The following DGKH variants were observed in gnomAD, a reference collection of about 807,000 sequenced individuals.
The protein encoded by DGKH is diacylglycerol kinase eta.
A neutral mutation model predicts 159.3 loss-of-function variants in DGKH; 90 were observed. The observed-to-expected ratio is 0.57, with a 90% CI of 0.48 to 0.67. DGKH has a LOEUF of 0.67. Ranked by LOEUF, DGKH falls within the 30% of genes least tolerant of loss-of-function variation. The probability of loss-of-function intolerance (pLI) is 0.00; values close to 1 mark genes in which losing one functional copy is unlikely to be tolerated. For synonymous variants in DGKH, 536 were observed against 553.8 expected (o/e 0.97, Z 0.45); for missense variants, 1,181 against 1,506.1 (o/e 0.78, Z 3.57).
At chr13:42,193,795 T>C (rs893085126) in intron 16 of DGKH, among the ~76,000 whole-genome samples, 1 of 152,206 alleles carries the variant, frequency 6.6e-6, no homozygotes, top group African/African-American at 2.4e-5. Flanking sequence ...AAAATTAATA[T>C]AGTTAGCTTG....
chr13:42,255,727 T>C (rs1253977768), intron 30 of DGKH: 1 of 386,092 alleles, frequency 2.6e-6, no homozygotes, highest in African/African-American at 2.1e-5. Flanking sequence ...TCCTAATAAA[T>C]AAATGACATG....
intron 5 of DGKH, among the ~76,000 whole-genome samples, chr13:42,158,436 A>T (rs1383807510): frequency 6.6e-6 from 1 of 152,202 alleles, no homozygotes; most frequent in Admixed American, 6.5e-5. Context: ...AGAGATAAAC[A>T]TGTTTAATAA....
rs1423386647 is a variant in DGKH at position 42,229,343 on chromosome 13, T to G, written c.*155T>G. 1.6e-6 allele frequency: 1 copy of G among 631,302 alleles called. No individual in the cohort carries two copies. Among genetic ancestry groups the G allele is most frequent in the Non-Finnish European group, 2.6e-6 (1 of 378,354 alleles). The allele number at this position is 631,302 out of a possible 1,614,324, so 39.1% of individuals were successfully genotyped here. On this transcript the variant is annotated 3_prime_UTR_variant, in exon 30 of 30. Transcript: ENST00000337343. ...ATTTTGCTGTGGGTGAAATTTTGAT[T>G]TGAGGTATTAGAAAATATTTTTGTG...
chr13:42,085,927 GTT>G (rs36114366), intron 1 of DGKH, among the ~76,000 whole-genome samples: 1 of 147,560 alleles, frequency 6.8e-6, no homozygotes, highest in Non-Finnish European at 1.5e-5. Flanking sequence ...ATTAAACTAA[GTT>G]TTTTTTTTTG....
chr13:42,091,373 G>T (rs373201593), intron 1 of DGKH, among the ~76,000 whole-genome samples: 1 of 152,070 alleles, frequency 6.6e-6, no homozygotes, highest in African/African-American at 2.4e-5. Context: ...GGTTGAAAAG[G>T]TATCCTAAGA....
Position 42,178,140 on chromosome 13 carries a change from G to A in DGKH, c.1458G>A (p.Thr486=), listed in dbSNP as rs774295145. ...TAGAGTTTTCTTTTCTTCAGATGAC[G>A]ATTTATGAAGACTCAGTTGCAACGC... ...PPEASEEFYM[T]IYEDSVATHL... Residue 486 remains threonine, a synonymous_variant, in exon 13 of 30, where the codon ACG becomes ACA. Coordinates refer to ENST00000337343, the MANE Select transcript of DGKH (RefSeq NM_178009.5). The A allele has an allele frequency of 2.5e-5, 40 of 1,606,016 alleles. No individual in the cohort carries two copies. Among genetic ancestry groups the A allele is most frequent in the African/African-American group, 6.7e-5 (5 of 74,766 alleles).
At chr13:42,070,660 G>A in intron 1 of DGKH, 1 of 1,612,144 alleles carries the variant, frequency 6.2e-7, no homozygotes, top group Non-Finnish European at 8.5e-7. Context: ...TACATTTGCA[G>A]AGTGAATATA....
At chr13:42,244,542 A>G (rs920040711), downstream of DGKH, among the ~76,000 whole-genome samples, 3 of 152,254 alleles carry the variant, frequency 2.0e-5, no homozygotes, top group Non-Finnish European at 4.4e-5. Flanking sequence ...GCAGAGTGTC[A>G]GGAGTGTATC....
At chr13:42,106,158 C>A (rs967300943) in intron 1 of DGKH, among the ~76,000 whole-genome samples, 1 of 152,142 alleles carries the variant, frequency 6.6e-6, no homozygotes, top group Non-Finnish European at 1.5e-5. Context: ...CAGGCGTGTA[C>A]CACCATGCCT....
chr13:42,187,470 A>G (rs1048711296), intron 14 of DGKH, among the ~76,000 whole-genome samples: 2 of 152,070 alleles, frequency 1.3e-5, no homozygotes, highest in Non-Finnish European at 2.9e-5. Flanking sequence ...TTCACCTCCC[A>G]GGTTCAAGCG....
Position 42,206,181 on chromosome 13 carries a change from A to C in DGKH, c.2601+35A>C, listed in dbSNP as rs142046198. On this transcript the variant is annotated intron_variant, in intron 21 of 29. Transcript: ENST00000337343. ...GGGAGTAAATAGTTTGTTTCCTCAAAAATAATTATATCACTGGAATAATTT... is the reference window on the plus strand; with the variant it reads ...GGGAGTAAATAGTTTGTTTCCTCAACAATAATTATATCACTGGAATAATTT... 3,300 of 1,282,580 alleles carry C rather than the reference A, an allele frequency of 2.6e-3. 59 individuals carry two copies. In the East Asian group the frequency reaches 0.044, roughly 17 times the overall value. 79.4% of individuals were successfully genotyped at this position (1,282,580 alleles called of 1,614,324 possible). A position where few individuals can be genotyped will look rare whatever the true frequency, so the allele number is the denominator to read the frequency against.
chr13:42,110,966 T>C (rs930478887), intron 1 of DGKH, among the ~76,000 whole-genome samples: 1 of 152,060 alleles, frequency 6.6e-6, no homozygotes, highest in Non-Finnish European at 1.5e-5. Context: ...AACACCTAGG[T>C]GATGGGTTGA....
At chr13:42,103,155 T>C (rs569891485) in intron 1 of DGKH, among the ~76,000 whole-genome samples, 3 of 152,244 alleles carry the variant, frequency 2.0e-5, no homozygotes, top group African/African-American at 4.8e-5. Context: ...GTGTGGGTAA[T>C]TGGAAGCCTT....
At chr13:42,178,067 G>C (rs951316108) in intron 12 of DGKH, 68 bp from the exon 13 acceptor site, 2 of 1,188,668 alleles carry the variant, frequency 1.7e-6, no homozygotes, top group African/African-American at 1.5e-5. Flanking sequence ...TCCATTTCTG[G>C]AGCAGCAATA....
chr13:42,166,376 AACCT>A (rs1694204413), intron 8 of DGKH, 135 bp from the exon 9 acceptor site: 1 of 618,552 alleles, frequency 1.6e-6, no homozygotes, highest in Admixed American at 4.0e-5. Context: ...GTAAATAGTT[AACCT>A]ATCTCTATTT....
intron 1 of DGKH, among the ~76,000 whole-genome samples, chr13:42,041,026 G>A (rs1483475838): frequency 2.0e-5 from 3 of 151,416 alleles, no homozygotes; most frequent in Non-Finnish European, 3.0e-5. Flanking sequence ...GAAATGGCCC[G>A]GGATGAGGTC....
At chr13:42,251,953 A>G (rs1594274269) in intron 29 of DGKH, among the ~76,000 whole-genome samples, 1 of 152,168 alleles carries the variant, frequency 6.6e-6, no homozygotes, top group Non-Finnish European at 1.5e-5. Flanking sequence ...CACGCTGCAC[A>G]AAGTTTGGTT....
chr13:42,069,758 A>G, intron 1 of DGKH: 1 of 1,117,036 alleles, frequency 9.0e-7, no homozygotes, highest in Non-Finnish European at 1.3e-6. Flanking sequence ...CTCGTTTTGT[A>G]ATTACAAGTA....
chr13:42,103,575 A>G (rs1247175397), intron 1 of DGKH, among the ~76,000 whole-genome samples: 2 of 152,214 alleles, frequency 1.3e-5, no homozygotes, highest in Middle Eastern at 3.2e-3. Context: ...ACATCCAGGC[A>G]GCAGACAGAA....
Sources: gnomAD v4.1 joint callset for allele counts (sites outside exome capture counted in the v4.1 genomes callset) on GRCh38, gnomAD v4.1.1 for gene constraint, MANE v1.5 for transcripts, NCBI Gene and HGNC (gene_info 2026-07-23, HGNC 2026-07-21) for gene names.